USH2A: variants seen among roughly 807,000 people sequenced by gnomAD.
USH2A encodes usherin.
USH2A carries 443 observed loss-of-function variants against 538.9 expected under a neutral mutation model. The ratio of observed to expected loss-of-function variants is 0.82; its 90% CI spans 0.76 to 0.89. The LOEUF (loss-of-function observed/expected upper bound fraction) is 0.89. USH2A is among the 40% of genes least tolerant of loss of function. The probability of loss-of-function intolerance (pLI) is 0.00; values close to 1 mark genes in which losing one functional copy is unlikely to be tolerated. For synonymous variants in USH2A, 2,413 were observed against 2,273.5 expected, an observed-to-expected ratio of 1.06 and a Z score of -1.75; for missense variants, 6,633 against 6,324.8, an observed-to-expected ratio of 1.05 and a Z score of -1.65.
intron 38 of USH2A, among the ~76,000 whole-genome samples, chr1:215,907,988 A>T (rs1032190962): frequency 3.9e-5 from 6 of 152,084 alleles, no homozygotes; most frequent in Non-Finnish European, 7.4e-5. Context: ...AATTACAAAA[A>T]AATGTGAAAA....
At chr1:215,687,914 C>T (rs1658484032) in intron 61 of USH2A, among the ~76,000 whole-genome samples, 1 of 151,996 alleles carries the variant, frequency 6.6e-6, no homozygotes, top group Non-Finnish European at 1.5e-5. Flanking sequence ...AAGGTCATTA[C>T]CTTCCCGAAT....
At chr1:216,001,756 CA>C (rs1478909294) in intron 32 of USH2A, among the ~76,000 whole-genome samples, 23 of 152,090 alleles carry the variant, frequency 1.5e-4, no homozygotes, top group African/African-American at 5.5e-4. Flanking sequence ...GCACTGATAA[CA>C]AAAGTAAACT....
chr1:215,823,491 G>A (rs1663070969), intron 47 of USH2A, among the ~76,000 whole-genome samples: 1 of 151,914 alleles, frequency 6.6e-6, no homozygotes, highest in Non-Finnish European at 1.5e-5. Context: ...TGACCTTTAA[G>A]AATTTGATTG....
In USH2A at chr1:216,175,216, G is replaced by T. The variant is rs577393945; in HGVS notation, c.4627+36C>A. The T allele has an allele frequency of 1.2e-5, 19 of 1,612,590 alleles. No homozygotes were observed. In the Admixed American group the frequency reaches 3.2e-4, roughly 27 times the overall value. ...AATATAGAAAACATTTTGGAGCTTC[G>T]TGTCTCCTAAATAAAGCAATGTCAA... is the stretch of plus-strand genomic sequence containing the variant. On this transcript the variant is annotated intron_variant, in intron 21 of 71. Coordinates refer to ENST00000307340, the MANE Select transcript of USH2A (RefSeq NM_206933.4).
chr1:216,143,511 A>G (rs564436759), intron 21 of USH2A, among the ~76,000 whole-genome samples: 1 of 152,316 alleles, frequency 6.6e-6, no homozygotes, highest in Non-Finnish European at 1.5e-5. Flanking sequence ...AAAAATATAG[A>G]TGGTTCTTTC....
chr1:215,761,843 C>A (rs969963650), intron 56 of USH2A, among the ~76,000 whole-genome samples: 1 of 152,102 alleles, frequency 6.6e-6, no homozygotes, highest in Non-Finnish European at 1.5e-5. Flanking sequence ...TGATTAGACA[C>A]TGTAAATCTC....
At chr1:215,751,605 A>G (rs1287189267) in intron 58 of USH2A, among the ~76,000 whole-genome samples, 9 of 152,140 alleles carry the variant, frequency 5.9e-5, no homozygotes, top group Non-Finnish European at 1.3e-4. Context: ...CTTATGTTCC[A>G]TGAAGCATTT....
At chr1:215,648,833 C>T in intron 65 of USH2A, 67 bp from the exon 66 acceptor site, 2 of 1,443,230 alleles carry the variant, frequency 1.4e-6, no homozygotes, top group Admixed American at 1.7e-5. Context: ...GAATGTTATC[C>T]AAGATCCCAC....
chr1:216,092,555 A>G (rs2032326548), intron 22 of USH2A, among the ~76,000 whole-genome samples: 1 of 152,218 alleles, frequency 6.6e-6, no homozygotes, highest in Non-Finnish European at 1.5e-5. Context: ...AAGAGAGCAA[A>G]TAAGAGAAGA....
intron 9 of USH2A, among the ~76,000 whole-genome samples, chr1:216,296,229 T>C (rs996196929): frequency 4.6e-5 from 7 of 152,084 alleles, no homozygotes; most frequent in African/African-American, 1.7e-4. Flanking sequence ...TAAAAAATAA[T>C]TCACCCTTTT....
chr1:216,050,749 C>T (rs1232418001), intron 30 of USH2A, among the ~76,000 whole-genome samples: 2 of 150,720 alleles, frequency 1.3e-5, no homozygotes, highest in East Asian at 3.9e-4. Flanking sequence ...GGACTACAGG[C>T]GCCCGCCACC....
intron 32 of USH2A, among the ~76,000 whole-genome samples, chr1:216,026,164 A>C (rs548460326): frequency 6.6e-6 from 1 of 152,264 alleles, no homozygotes; most frequent in South Asian, 2.1e-4. Flanking sequence ...TCATCCAAGC[A>C]AACAGGATGC....
chr1:215,946,468 G>T (rs903701690), intron 37 of USH2A, among the ~76,000 whole-genome samples: 4 of 152,122 alleles, frequency 2.6e-5, no homozygotes, highest in African/African-American at 9.7e-5. Flanking sequence ...GAGATGATTT[G>T]TTTATAAAAC....
intron 9 of USH2A, among the ~76,000 whole-genome samples, chr1:216,297,118 C>T (rs937733214): frequency 4.6e-5 from 7 of 151,952 alleles, no homozygotes. Flanking sequence ...TCTTGATTTG[C>T]TAGCCCTGTG....
At chr1:216,390,039 T>C (rs1424012145) in intron 3 of USH2A, among the ~76,000 whole-genome samples, 1 of 152,114 alleles carries the variant, frequency 6.6e-6, no homozygotes, top group Admixed American at 6.6e-5. Flanking sequence ...AGAGAAAGTA[T>C]GCCAGTAAAT....
At chr1:216,356,207 G>A (rs565993234) in intron 4 of USH2A, among the ~76,000 whole-genome samples, 1 of 151,954 alleles carries the variant, frequency 6.6e-6, no homozygotes, top group Non-Finnish European at 1.5e-5. Flanking sequence ...TCCAATGAAC[G>A]CTTGTGTTTC....
intron 34 of USH2A, among the ~76,000 whole-genome samples, chr1:215,996,177 C>T (rs1344483455): frequency 6.6e-6 from 1 of 152,216 alleles, no homozygotes; most frequent in Non-Finnish European, 1.5e-5. Context: ...TCCCAAAGTG[C>T]TGAGACTACA....
At chr1:216,150,567 C>T (rs2033810694) in intron 21 of USH2A, among the ~76,000 whole-genome samples, 1 of 152,146 alleles carries the variant, frequency 6.6e-6, no homozygotes, top group African/African-American at 2.4e-5. Context: ...CTCCCGTCTC[C>T]CTACACCTCC....
intron 61 of USH2A, among the ~76,000 whole-genome samples, chr1:215,727,586 G>T: frequency 6.6e-6 from 1 of 151,982 alleles, no homozygotes; most frequent in East Asian, 1.9e-4. Context: ...AATTAGTTGG[G>T]CAGTGGTGGG....
Sources: gnomAD v4.1 joint callset for allele counts (sites outside exome capture counted in the v4.1 genomes callset) on GRCh38, gnomAD v4.1.1 for gene constraint, MANE v1.5 for transcripts, NCBI Gene and HGNC (gene_info 2026-07-23, HGNC 2026-07-21) for gene names.